LMAN2: variants seen among roughly 807,000 people sequenced by gnomAD.
LMAN2 encodes lectin, mannose binding 2.
A neutral mutation model predicts 39.3 loss-of-function variants in LMAN2; 22 were observed. That is an observed-to-expected ratio of 0.56 (90% CI 0.40 to 0.80). The LOEUF (loss-of-function observed/expected upper bound fraction) is 0.80. Among genes scored for constraint, LMAN2 ranks in the 30% least tolerant of loss-of-function variants. The pLI is 0.00. For missense variants in LMAN2, 494 were observed against 505.4 expected (o/e 0.98, Z 0.22); for synonymous variants, 207 against 207.8 (o/e 1.00, Z 0.03).
At position 177,337,803 on chromosome 5, in the gene LMAN2, T is replaced by C; in HGVS notation, c.434-18A>G. ...CACAGGCCCTAGAATTATAAGCAGA[T>C]GCTCTCAGAATGGGAGAAACAGGAG... On this transcript the variant is annotated intron_variant, in intron 3 of 7. Transcript: ENST00000303127. The surrounding 1 kb of genome is among the most constrained non-coding windows in gnomAD (Gnocchi z 8.2). 1.2e-6 allele frequency: 2 copies of C among 1,611,570 alleles called. No homozygotes were observed. The highest frequency in any genetic ancestry group is 1.7e-6 in the Non-Finnish European group (2 of 1,178,570).
At chr5:177,333,916 G>A (rs1335877305) in intron 7 of LMAN2, among the ~76,000 whole-genome samples, 1 of 152,228 alleles carries the variant, frequency 6.6e-6, no homozygotes, top group African/African-American at 2.4e-5. Flanking sequence ...CCCTGGCTCT[G>A]CTGGCCACTG....
chr5:177,342,996 G>A (rs956609689), intron 2 of LMAN2, among the ~76,000 whole-genome samples: 21 of 152,150 alleles, frequency 1.4e-4, no homozygotes, highest in African/African-American at 5.1e-4. Context: ...GCTCATGCCT[G>A]TAGTCCCAGC....
Position 177,341,064 on chromosome 5 carries a change from CTT to C in LMAN2, c.316-2461_316-2460del, listed in dbSNP as rs1298735934. On this transcript the variant is annotated intron_variant, in intron 2 of 7. Coordinates refer to ENST00000303127, the MANE Select transcript of LMAN2 (RefSeq NM_006816.3). ...GCCACCACGCCCAGCCTTTTTTTTT[CTT>C]TTTTTTTTTTTTTTTGTGAGACAGA... Among the ~76,000 whole-genome samples the C allele has an allele frequency of 2.3e-3, 251 of 108,908 alleles. 1 individual carries two copies. Among genetic ancestry groups the C allele is most frequent in the African/African-American group, 8.6e-3 (217 of 25,224 alleles). The allele number at this position is 108,908 out of a possible 152,430, so 71.4% of individuals were successfully genotyped here.
Position 177,332,482 on chromosome 5 carries a change from G to T in LMAN2, c.911-236C>A, listed in dbSNP as rs1581600038. ...AAGCCCACAGGGACCCGGGACCCCA[G>T]CGACAAGCCTGGGCTGCCTTCTGCT... On this transcript the variant is annotated intron_variant, in intron 7 of 7. Transcript: ENST00000303127. The surrounding 1 kb of genome is among the most constrained non-coding windows in gnomAD (Gnocchi z 6.3). 6.6e-6 allele frequency among the ~76,000 whole-genome samples: 1 copy of T among 152,164 alleles called. No homozygotes were observed. The highest frequency in any genetic ancestry group is 1.9e-4 in the East Asian group (1 of 5,186).
chr5:177,341,988 AAATT>A (rs1761560252), intron 2 of LMAN2, among the ~76,000 whole-genome samples: 2 of 152,196 alleles, frequency 1.3e-5, no homozygotes. Context: ...AGGATAATAA[AAATT>A]AACCTAAAAG....
In LMAN2 at chr5:177,351,130, C is replaced by CA. The variant is rs754137039; in HGVS notation, c.315+42dup. The CA allele has an allele frequency of 2.5e-6, 4 of 1,577,914 alleles. No homozygotes were observed. In the South Asian group the frequency reaches 4.4e-5, roughly 17 times the overall value. On this transcript the variant is annotated intron_variant, in intron 2 of 7. Transcript: ENST00000303127. ...CAGCTGCTCGGGAGGCAGGGACTAG[C>CA]AGCCAACCGCACAGTACGCCTATCC...
rs11541334 is a variant in LMAN2, at chr5:177,351,274, T to C, written c.214A>G (p.Met72Val). Reference sequence around the variant, plus strand: ...CTGCCCTGGAAGTCCCAGAGGGGCATAGAGCTGGAACCGACCCCTGTGGGA... The same window carrying C: ...CTGCCCTGGAAGTCCCAGAGGGGCACAGAGCTGGAACCGACCCCTGTGGGA... Reference protein sequence around the residue: ...KPYQGVGSSSMPLWDFQGSTM... With the variant: ...KPYQGVGSSSVPLWDFQGSTM... The change falls in exon 2 of 8, where the codon ATG becomes GTG. Residue 72 changes from methionine (M) to valine (V), a missense_variant. Coordinates refer to ENST00000303127, the MANE Select transcript of LMAN2 (RefSeq NM_006816.3). 1.0e-4 allele frequency: 167 copies of C among 1,613,840 alleles called. 1 individual carries two copies. The African/African-American group carries it at 1.1e-3, about 11-fold the overall frequency.
At chr5:177,343,211 C>T (rs1325814550) in intron 2 of LMAN2, among the ~76,000 whole-genome samples, 3 of 152,214 alleles carry the variant, frequency 2.0e-5, no homozygotes, top group Admixed American at 6.5e-5. Flanking sequence ...GCCGAGATCG[C>T]GCCACTGCAC....
chr5:177,338,706 TC>T, intron 2 of LMAN2, 101 bp from the exon 3 acceptor site: 1 of 924,742 alleles, frequency 1.1e-6, no homozygotes, highest in Non-Finnish European at 1.8e-6. Context: ...CTCTCTTCTC[TC>T]CCCAGCTAAG....
At chr5:177,343,451 A>T (rs1450636732) in intron 2 of LMAN2, among the ~76,000 whole-genome samples, 2 of 114,106 alleles carry the variant, frequency 1.8e-5, no homozygotes, top group Non-Finnish European at 3.6e-5. Flanking sequence ...TGAAAGTAGG[A>T]TTCAAACAGA....
At chr5:177,344,502 G>A (rs183326253) in intron 2 of LMAN2, among the ~76,000 whole-genome samples, 22 of 150,824 alleles carry the variant, frequency 1.5e-4, no homozygotes, top group African/African-American at 5.1e-4. Context: ...GGATGGTCTT[G>A]ATCTCCTGAC....
chr5:177,346,880 A>G (rs1026749823), intron 2 of LMAN2, among the ~76,000 whole-genome samples: 1 of 152,184 alleles, frequency 6.6e-6, no homozygotes, highest in Non-Finnish European at 1.5e-5. Context: ...AAGCTAGAGA[A>G]GATCCGAACT....
intron 2 of LMAN2, among the ~76,000 whole-genome samples, chr5:177,348,687 CAAAAAAAAAAA>C (rs35269220): frequency 4.1e-4 from 14 of 33,862 alleles, no homozygotes; most frequent in South Asian, 1.4e-3. Flanking sequence ...GACTCTGTCT[CAAAAAAAAAAA>C]AAAAAAAAAA....
At chr5:177,349,302 C>T (rs998089851) in intron 2 of LMAN2, among the ~76,000 whole-genome samples, 1 of 152,130 alleles carries the variant, frequency 6.6e-6, no homozygotes. Flanking sequence ...ATGCCTCTCC[C>T]GGATGGAGTG....
chr5:177,339,534 G>A (rs1749083029), intron 2 of LMAN2, among the ~76,000 whole-genome samples: 1 of 152,222 alleles, frequency 6.6e-6, no homozygotes, highest in African/African-American at 2.4e-5. Flanking sequence ...AAACTAAGGT[G>A]TCAACACACA....
rs112690713 is a variant in LMAN2, at chr5:177,336,265, G to A, written c.790+871C>T. On this transcript the variant is annotated intron_variant, in intron 6 of 7. Transcript: ENST00000303127. ...ACAGCCGGGGCAGGAGGGCACAGGC[G>A]CATCCAGGCAGCAGCTGGAAGCCAC... 8.2e-3 allele frequency among the ~76,000 whole-genome samples: 1,244 copies of A among 152,322 alleles called. 9 individuals carry two copies. Among genetic ancestry groups the A allele is most frequent in the Non-Finnish European group, 0.012 (829 of 68,026 alleles).
intron 6 of LMAN2, chr5:177,336,868 A>C: frequency 1.8e-6 from 1 of 542,246 alleles, no homozygotes; most frequent in Non-Finnish European, 3.3e-6. Flanking sequence ...GAGGAGGAGG[A>C]ACACAGCCAG....
At chr5:177,338,708 C>T in intron 2 of LMAN2, 103 bp from the exon 3 acceptor site, 3 of 912,770 alleles carry the variant, frequency 3.3e-6, no homozygotes, top group Non-Finnish European at 5.4e-6. Flanking sequence ...CTCTTCTCTC[C>T]CCAGCTAAGA....
At chr5:177,335,156 G>C (rs189762196) in intron 6 of LMAN2, among the ~76,000 whole-genome samples, 4 of 152,184 alleles carry the variant, frequency 2.6e-5, no homozygotes, top group South Asian at 2.1e-4. Flanking sequence ...TGGAGCCAAG[G>C]GGGGACCTAA....
Sources: allele counts gnomAD v4.1 joint callset (sites outside exome capture counted in the v4.1 genomes callset), GRCh38; gene constraint gnomAD v4.1.1; non-coding constraint Gnocchi (gnomAD v3.1); transcripts MANE v1.5; gene names NCBI Gene and HGNC (gene_info 2026-07-23, HGNC 2026-07-21).